Variants in ZNF496 observed in about 807,000 individuals in gnomAD.
ZNF496 encodes the protein zinc finger protein 496.
A neutral mutation model predicts 58.9 loss-of-function variants in ZNF496; 11 were observed. The ratio of observed to expected loss-of-function variants is 0.19; its 90% confidence interval spans 0.12 to 0.31. ZNF496 has a LOEUF of 0.31. ZNF496 is among the 10% of genes least tolerant of loss of function. The probability of loss-of-function intolerance (pLI) is 1.00; values close to 1 mark genes in which losing one functional copy is unlikely to be tolerated. For synonymous variants in ZNF496, 338 were observed against 318.2 expected, an observed-to-expected ratio of 1.06 and a Z score of -0.66; for missense variants, 660 against 783.0, an observed-to-expected ratio of 0.84 and a Z score of 1.88.
rs371433539 is a variant in ZNF496, at chr1:247,301,293, T to A, written c.1007-17A>T. On this transcript the variant is annotated splice_polypyrimidine_tract_variant and intron_variant, in intron 9 of 9. Transcript: ENST00000682384. ...TGCCGCCAGCTACAGGAAGGCAACA[T>A]GCAGGTCAGCGACGCTGCACAGGCC... 7.3e-6 allele frequency: 11 copies of A among 1,505,748 alleles called. No homozygotes were observed. Among genetic ancestry groups the A allele is most frequent in the Non-Finnish European group, 9.7e-6 (11 of 1,132,616 alleles). 93.3% of individuals were successfully genotyped at this position (1,505,748 alleles called of 1,614,324 possible).
Position 247,328,666 on chromosome 1 carries a change from T to C in ZNF496, c.574+17A>G. 1.3e-6 allele frequency: 2 copies of C among 1,540,208 alleles called. No homozygotes were observed. The highest frequency in any genetic ancestry group is 1.7e-6 in the Non-Finnish European group (2 of 1,142,972). On this transcript the variant is annotated intron_variant, in intron 5 of 9. Transcript: ENST00000682384. Reference sequence around the variant, plus strand: ...CTTCCCCAGATCACCCCTGCTACACTCCCCTGGGCTGCATACCTGGGTCCC... The same window carrying C: ...CTTCCCCAGATCACCCCTGCTACACCCCCCTGGGCTGCATACCTGGGTCCC...
chr1:247,327,019 C>T (rs1320540638), intron 5 of ZNF496, among the ~76,000 whole-genome samples: 1 of 152,112 alleles, frequency 6.6e-6, no homozygotes, highest in Non-Finnish European at 1.5e-5. Flanking sequence ...TTTTACGGGT[C>T]CCAAAGAGAG....
intron 6 of ZNF496, among the ~76,000 whole-genome samples, chr1:247,318,160 A>G (rs548990567): frequency 6.6e-6 from 1 of 152,368 alleles, no homozygotes; most frequent in South Asian, 2.1e-4. Flanking sequence ...TGAAGACGGA[A>G]AAATAAAGTT....
chr1:247,300,962 CGCACACCGA>C lies in ZNF496; in HGVS notation c.1312_1320del (p.Ser438_Cys440del). The C allele has an allele frequency of 6.2e-7, 1 of 1,613,932 alleles. No individual in the cohort carries two copies. Among genetic ancestry groups the C allele is most frequent in the Non-Finnish European group, 8.5e-7 (1 of 1,180,042 alleles). ...TCCTCGCTGTCGCTGAACAGCTCCC[CGCACACCGA>C]GCACTCGTGCGGCTTCTCCTGCTCC... On this transcript the variant is annotated inframe_deletion, in exon 10 of 10. Transcript: ENST00000682384. The surrounding 1 kb of genome is among the most constrained non-coding windows in gnomAD (Gnocchi z 5.7).
At chr1:247,320,016 T>C (rs957492910) in intron 6 of ZNF496, among the ~76,000 whole-genome samples, 13 of 152,186 alleles carry the variant, frequency 8.5e-5, no homozygotes, top group African/African-American at 3.1e-4. Flanking sequence ...ATGGAATAAA[T>C]ATATTATGCA....
intron 6 of ZNF496, among the ~76,000 whole-genome samples, chr1:247,319,581 A>G (rs774799044): frequency 6.6e-6 from 1 of 152,192 alleles, no homozygotes; most frequent in Admixed American, 6.5e-5. Flanking sequence ...ACATACATCA[A>G]TCAAAACACA....
rs1411214410 is a variant in ZNF496 at position 247,331,783 on chromosome 1, C to CA, written c.-370+6dup. 1 of 148,940 alleles carries CA rather than the reference C, an allele frequency of 6.7e-6. No homozygotes were observed. Among genetic ancestry groups the CA allele is most frequent in the Admixed American group, 6.7e-5 (1 of 15,014 alleles). 9.2% of individuals were successfully genotyped at this position (148,940 alleles called of 1,614,324 possible). ...GGGGCCGGCCGCGGGAGCCGGGGTG[C>CA]ACTCACCGCCGCGGCGCGTCCCTGT... On this transcript the variant is annotated splice_region_variant and intron_variant, in intron 1 of 9. Coordinates refer to ENST00000682384, the MANE Select transcript of ZNF496 (RefSeq NM_032752.3).
At chr1:247,325,849 A>G (rs1233256832) in intron 5 of ZNF496, among the ~76,000 whole-genome samples, 1 of 151,966 alleles carries the variant, frequency 6.6e-6, no homozygotes, top group Non-Finnish European at 1.5e-5. Context: ...TGGGATATGT[A>G]GCTATCCCAG....
chr1:247,326,991 G>A (rs1201355655), intron 5 of ZNF496, among the ~76,000 whole-genome samples: 13 of 152,116 alleles, frequency 8.5e-5, no homozygotes, highest in Admixed American at 8.5e-4. Context: ...CAGCTTTCAG[G>A]GCCGGATATT....
intron 9 of ZNF496, chr1:247,307,162 T>C (rs1286369571): frequency 1.0e-5 from 10 of 985,448 alleles, no homozygotes; most frequent in East Asian, 2.3e-4. Flanking sequence ...TGCGTGGGCA[T>C]GGATATAGAG....
Position 247,308,457 on chromosome 1 carries a change from T to G in ZNF496, c.1006+18A>C. 3 of 1,610,348 alleles carry G rather than the reference T, an allele frequency of 1.9e-6. No individual in the cohort carries two copies. Among genetic ancestry groups the G allele is most frequent in the Non-Finnish European group, 2.5e-6 (3 of 1,176,616 alleles). ...AGACACACAGGGACAAACCCATACC[T>G]CCCTGACCCTTCTTTACCTGGGTAG... On this transcript the variant is annotated intron_variant, in intron 9 of 9. Coordinates refer to ENST00000682384, the MANE Select transcript of ZNF496 (RefSeq NM_032752.3). The surrounding 1 kb of genome is among the most constrained non-coding windows in gnomAD (Gnocchi z 4.5).
intron 5 of ZNF496, among the ~76,000 whole-genome samples, chr1:247,324,912 C>G (rs1053282344): frequency 1.3e-5 from 2 of 152,232 alleles, no homozygotes; most frequent in African/African-American, 2.4e-5. Context: ...TGCCACTCTT[C>G]TCTCCTGGAA....
At chr1:247,311,032 C>T (rs1659583912) in intron 6 of ZNF496, 1 of 152,598 alleles carries the variant, frequency 6.6e-6, no homozygotes, top group Non-Finnish European at 1.5e-5. Context: ...GGTTGAAACT[C>T]AAGGCACAAT....
intron 5 of ZNF496, among the ~76,000 whole-genome samples, chr1:247,327,750 A>G (rs1660182495): frequency 7.3e-6 from 1 of 136,910 alleles, no homozygotes; most frequent in African/African-American, 2.9e-5. Flanking sequence ...CCCCCCAGAC[A>G]CTCTCTTTCC....
Position 247,308,998 on chromosome 1 carries a change from C to T in ZNF496, c.893-410G>A, listed in dbSNP as rs1659506659. ...CAGGGTAGAGATGGTACAGGAGCTA[C>T]TGCACCACACCAAGTCTCTGAACGC... On this transcript the variant is annotated intron_variant, in intron 8 of 9. Coordinates refer to ENST00000682384, the MANE Select transcript of ZNF496 (RefSeq NM_032752.3). This position sits in a 1 kb window ranked among gnomAD's most constrained non-coding sequence, Gnocchi z 4.5. 1 of 197,768 alleles carries T rather than the reference C, an allele frequency of 5.1e-6. No homozygotes were observed. Among genetic ancestry groups the T allele is most frequent in the African/African-American group, 2.4e-5 (1 of 42,506 alleles). 12.3% of individuals were successfully genotyped at this position (197,768 alleles called of 1,614,324 possible).
At chr1:247,304,128 G>T in intron 9 of ZNF496, 1 of 388,818 alleles carries the variant, frequency 2.6e-6, no homozygotes, top group Non-Finnish European at 5.0e-6. Context: ...CTGGCCGATA[G>T]ATCTATCTGG....
intron 5 of ZNF496, among the ~76,000 whole-genome samples, chr1:247,327,125 C>T (rs961349086): frequency 3.9e-5 from 6 of 152,076 alleles, no homozygotes; most frequent in East Asian, 3.9e-4. Context: ...AATGCAATGG[C>T]GTGATCTCAG....
intron 9 of ZNF496, among the ~76,000 whole-genome samples, chr1:247,303,659 TGAG>T (rs1261102659): frequency 6.6e-6 from 1 of 152,206 alleles, no homozygotes; most frequent in African/African-American, 2.4e-5. Flanking sequence ...GATACTGAGC[TGAG>T]GAGGTATCGA....
At position 247,323,919 on chromosome 1, in the gene ZNF496, A is replaced by T. The variant is rs139148772; in HGVS notation, c.575-689T>A. 1.4e-4 allele frequency among the ~76,000 whole-genome samples: 22 copies of T among 152,138 alleles called. 1 individual carries two copies. Among genetic ancestry groups the T allele is most frequent in the African/African-American group, 5.1e-4 (21 of 41,540 alleles). On this transcript the variant is annotated intron_variant, in intron 5 of 9. Coordinates refer to ENST00000682384, the MANE Select transcript of ZNF496 (RefSeq NM_032752.3). ...TGCTTAAGCTCAGGAGTTCAAGACC[A>T]GTCTGGGCAACATAGGGAGACCGCA...
Sources: gnomAD v4.1 joint callset for allele counts (sites outside exome capture counted in the v4.1 genomes callset) on GRCh38, gnomAD v4.1.1 for gene constraint, Gnocchi (gnomAD v3.1) non-coding constraint, MANE v1.5 for transcripts, NCBI Gene and HGNC (gene_info 2026-07-23, HGNC 2026-07-21) for gene names.